The following IQCH variants were observed in gnomAD, a reference collection of about 807,000 sequenced individuals.
IQCH encodes the protein IQ domain-containing protein H.
A neutral mutation model predicts 117.0 loss-of-function variants in IQCH; 98 were observed. The observed-to-expected ratio is 0.84, with a 90% CI of 0.71 to 0.99. IQCH has a LOEUF of 0.99. IQCH is among the 50% of genes least tolerant of loss of function. The pLI, the probability that IQCH is intolerant of heterozygous loss-of-function variation, is 0.00. For missense variants in IQCH, 1,102 were observed against 1,243.8 expected (o/e 0.89, Z 1.72); for synonymous variants, 412 against 448.2 (o/e 0.92, Z 1.02).
In IQCH at chr15:67,357,215, G is replaced by A. The variant is rs1292288491; in HGVS notation, c.638-130G>A. ...ATAGCTGTTTCATTGAATGAATACA[G>A]AAAGAAAGGTAGTGAGCGCACAGTG... is the stretch of plus-strand genomic sequence containing the variant. On this transcript the variant is annotated intron_variant, in intron 6 of 20. Coordinates refer to ENST00000335894, the MANE Select transcript of IQCH (RefSeq NM_001031715.3). The A allele has an allele frequency of 4.5e-6, 3 of 668,574 alleles. No individual in the cohort carries two copies. In the African/African-American group the frequency reaches 5.4e-5, roughly 12 times the overall value. The allele number at this position is 668,574 out of a possible 1,614,324, so 41.4% of individuals were successfully genotyped here.
chr15:67,279,795 G>A (rs542327919), intron 4 of IQCH, among the ~76,000 whole-genome samples: 1 of 152,278 alleles, frequency 6.6e-6, no homozygotes, highest in South Asian at 2.1e-4. Flanking sequence ...AAGGTCAGGA[G>A]ATCAAGACCA....
At position 67,493,446 on chromosome 15, in the gene IQCH, T is replaced by C. The variant is rs1442816213; in HGVS notation, c.2862-812T>C. On this transcript the variant is annotated intron_variant, in intron 19 of 20. Coordinates refer to ENST00000335894, the MANE Select transcript of IQCH (RefSeq NM_001031715.3). The surrounding 1 kb of genome is among the most constrained non-coding windows in gnomAD (Gnocchi z 5.1). Reference sequence around the variant, plus strand: ...AAATCTTAAAGTGGATGTTCAGGTTTATAAAGACGGCTGTTCATGAACAGG... The same window carrying C: ...AAATCTTAAAGTGGATGTTCAGGTTCATAAAGACGGCTGTTCATGAACAGG... Among the ~76,000 whole-genome samples the C allele has an allele frequency of 6.6e-6, 1 of 152,186 alleles. No individual in the cohort carries two copies. The highest frequency in any genetic ancestry group is 1.5e-5 in the Non-Finnish European group (1 of 68,034).
intron 6 of IQCH, among the ~76,000 whole-genome samples, chr15:67,352,060 G>T (rs1969686160): frequency 6.6e-6 from 1 of 151,252 alleles, no homozygotes; most frequent in Non-Finnish European, 1.5e-5. Context: ...TTCCTTTATT[G>T]TCTTCTTTTG....
intron 3 of IQCH, among the ~76,000 whole-genome samples, chr15:67,277,362 A>G (rs889837553): frequency 6.6e-6 from 1 of 151,890 alleles, no homozygotes; most frequent in Non-Finnish European, 1.5e-5. Context: ...GCCTTTTAGC[A>G]TGCCTCATCA....
chr15:67,343,023 G>C (rs185286206), intron 5 of IQCH, among the ~76,000 whole-genome samples: 15 of 152,216 alleles, frequency 9.9e-5, no homozygotes, highest in African/African-American at 3.6e-4. Flanking sequence ...TTTTACAAGT[G>C]AACTATTTTT....
intron 4 of IQCH, among the ~76,000 whole-genome samples, chr15:67,323,722 C>A (rs1364696389): frequency 5.9e-5 from 9 of 151,996 alleles, no homozygotes; most frequent in Admixed American, 5.9e-4. Flanking sequence ...AAGGAATTTG[C>A]AACTATTGAC....
Position 67,475,901 on chromosome 15 carries a change from A to G in IQCH, c.2799+83A>G. 8.0e-7 allele frequency: 1 copy of G among 1,243,686 alleles called. No homozygotes were observed. The allele number at this position is 1,243,686 out of a possible 1,614,324, so 77.0% of individuals were successfully genotyped here. On this transcript the variant is annotated intron_variant, in intron 18 of 20. Coordinates refer to ENST00000335894, the MANE Select transcript of IQCH (RefSeq NM_001031715.3). This position sits in a 1 kb window ranked among gnomAD's most constrained non-coding sequence, Gnocchi z 5.7. The stretch of plus-strand genomic sequence containing the variant: ...GTAGCTAATAATTTGGTGCCCCTTC[A>G]GATAGATATTCTTTAAATACCGGTT...
intron 10 of IQCH, chr15:67,373,678 G>A (rs138363864): frequency 6.7e-6 from 4 of 593,934 alleles, no homozygotes; most frequent in East Asian, 5.8e-5. Flanking sequence ...GCTGTAATTC[G>A]CTTTCATCTG....
chr15:67,345,587 CTA>C (rs2140689925), intron 6 of IQCH, among the ~76,000 whole-genome samples: 1 of 152,240 alleles, frequency 6.6e-6, no homozygotes, highest in South Asian at 2.1e-4. Context: ...TACAGAAAAA[CTA>C]TGAGAAAAAC....
intron 4 of IQCH, among the ~76,000 whole-genome samples, chr15:67,319,831 C>A (rs9806386): frequency 0.68 from 102,856 of 152,086 alleles, 35,362 homozygotes; most frequent in Middle Eastern, 0.84. Context: ...AGAATCTAGA[C>A]AAATTATTTG....
In IQCH at chr15:67,362,826, T is replaced by G. The variant is rs555827520; in HGVS notation, c.753+2941T>G. Among the ~76,000 whole-genome samples, 18 of 152,368 alleles carry G rather than the reference T, an allele frequency of 1.2e-4. No homozygotes were observed. In the East Asian group the frequency reaches 1.3e-3, roughly 11 times the overall value. Reference sequence around the variant, plus strand: ...AACTATATGGTATTTGAACAAAGTGTTCGAGGCTTTAAAATGTATACTTTC... The same window carrying G: ...AACTATATGGTATTTGAACAAAGTGGTCGAGGCTTTAAAATGTATACTTTC... On this transcript the variant is annotated intron_variant, in intron 8 of 20. Transcript: ENST00000335894.
chr15:67,265,414 T>C (rs1965629956), intron 3 of IQCH, among the ~76,000 whole-genome samples: 1 of 152,196 alleles, frequency 6.6e-6, no homozygotes. Flanking sequence ...TCATTGGCCT[T>C]CTTACCAGGA....
chr15:67,397,882 T>A (rs1318345608), intron 13 of IQCH, among the ~76,000 whole-genome samples: 1 of 152,210 alleles, frequency 6.6e-6, no homozygotes, highest in East Asian at 1.9e-4. Context: ...TTTTGATCCA[T>A]AAAGTAACTG....
intron 16 of IQCH, among the ~76,000 whole-genome samples, chr15:67,434,404 C>G (rs556315577): frequency 5.9e-5 from 9 of 152,260 alleles, no homozygotes; most frequent in African/African-American, 2.2e-4. Context: ...TCATGAATGA[C>G]AGAATTTCCT....
At chr15:67,336,566 C>T (rs1968900422) in intron 4 of IQCH, among the ~76,000 whole-genome samples, 1 of 152,096 alleles carries the variant, frequency 6.6e-6, no homozygotes, top group Non-Finnish European at 1.5e-5. Context: ...TTAAGTCTTC[C>T]AGGTTTTTTG....
chr15:67,417,012 C>G lies in IQCH; in HGVS notation c.2179C>G (p.Pro727Ala). 1.9e-6 allele frequency: 3 copies of G among 1,610,468 alleles called. No homozygotes were observed. The highest frequency in any genetic ancestry group is 2.5e-6 in the Non-Finnish European group (3 of 1,178,364). ...HAQPVNEKRF[P>A]TWRKFLQTFL... ...ACAGCCAGTCAATGAGAAACGGTTC[C>G]CGACGTGGAGGAAATTCCTCCAAAC... Residue 727 changes from proline to alanine, a missense_variant, in exon 15 of 21, where the codon CCG becomes GCG. Physicochemically the swap from Pro to Ala is conservative, Grantham distance 27. Around this residue, in one of 2 missense-constraint regions of IQCH, gnomAD observed 650 missense variants for 794.3 expected, o/e 0.82. Coordinates refer to ENST00000335894, the MANE Select transcript of IQCH (RefSeq NM_001031715.3). The surrounding 1 kb of genome is among the most constrained non-coding windows in gnomAD (Gnocchi z 4.3).
At chr15:67,346,313 C>T (rs943160269) in intron 6 of IQCH, among the ~76,000 whole-genome samples, 1 of 149,682 alleles carries the variant, frequency 6.7e-6, no homozygotes, top group African/African-American at 2.5e-5. Flanking sequence ...AACTAGTAAC[C>T]CCCCCCCAAA....
chr15:67,346,311 A>ACCC (rs557357625), intron 6 of IQCH, among the ~76,000 whole-genome samples: 11 of 148,878 alleles, frequency 7.4e-5, no homozygotes, highest in African/African-American at 2.7e-4. Context: ...AGAACTAGTA[A>ACCC]CCCCCCCCCA....
intron 4 of IQCH, among the ~76,000 whole-genome samples, chr15:67,331,351 A>G (rs185229446): frequency 7.9e-5 from 12 of 152,300 alleles, no homozygotes; most frequent in African/African-American, 2.9e-4. Flanking sequence ...CAAACATGAG[A>G]TGATAAAATA....
Sources: gnomAD v4.1 joint callset for allele counts (sites outside exome capture counted in the v4.1 genomes callset) on GRCh38, gnomAD v4.1.1 for gene constraint, gnomAD v4.1.1 regional missense constraint, Gnocchi (gnomAD v3.1) non-coding constraint, MANE v1.5 for transcripts, NCBI Gene and HGNC (gene_info 2026-07-23, HGNC 2026-07-21) for gene names.